Variants in RBFOX1 observed in about 807,000 individuals in gnomAD.
RBFOX1 encodes RNA binding fox-1 homolog 1, also known as RNA binding protein fox-1 homolog 1.
A neutral mutation model predicts 57.7 loss-of-function variants in RBFOX1; 8 were observed. That is an observed-to-expected ratio of 0.14 (90% confidence interval 0.08 to 0.25). The LOEUF is 0.25. Among genes scored for constraint, RBFOX1 ranks in the 10% least tolerant of loss-of-function variants. RBFOX1 has a pLI of 1.00. For synonymous variants in RBFOX1, 326 were observed against 222.4 expected (o/e 1.47, Z -4.15); for missense variants, 611 against 548.5 (o/e 1.11, Z -1.14).
chr16:6,118,382 A>G (rs998429824), intron 1 of RBFOX1, among the ~76,000 whole-genome samples: 4 of 152,176 alleles, frequency 2.6e-5, no homozygotes, highest in Non-Finnish European at 5.9e-5. Context: ...GTTATGGAGG[A>G]TGGAAAGTCC....
intron 4 of RBFOX1, among the ~76,000 whole-genome samples, chr16:7,373,048 CA>C (rs1192595230): frequency 6.6e-6 from 1 of 151,814 alleles, no homozygotes; most frequent in African/African-American, 2.4e-5. Flanking sequence ...TCTCTTGCCT[CA>C]GCCTCCCGAG....
intron 3 of RBFOX1, among the ~76,000 whole-genome samples, chr16:5,715,445 A>C (rs2051660355): frequency 6.6e-6 from 1 of 152,208 alleles, no homozygotes; most frequent in South Asian, 2.1e-4. Context: ...GGTGTATCTC[A>C]AACTCGAAAT....
At position 6,019,676 on chromosome 16, in the gene RBFOX1, G is replaced by A. The variant is rs1044813301; in HGVS notation, c.-443G>A. On this transcript the variant is annotated 5_prime_UTR_variant, in exon 1 of 16. Coordinates refer to ENST00000550418, the MANE Select transcript of RBFOX1 (RefSeq NM_018723.4). This position sits in a 1 kb window ranked among gnomAD's most constrained non-coding sequence, Gnocchi z 4.2. ...GGGCCCCGCCCCGGCGTCCGGAGCA[G>A]GAGAACTCCGAGCTTCTTGCCCAGG... The A allele has an allele frequency of 9.8e-6, 13 of 1,333,202 alleles. No homozygotes were observed. In the African/African-American group the frequency reaches 1.7e-4, roughly 17 times the overall value. The allele number at this position is 1,333,202 out of a possible 1,614,324, so 82.6% of individuals were successfully genotyped here. A position where few individuals can be genotyped will look rare whatever the true frequency, so the allele number is the denominator to read the frequency against.
chr16:7,203,710 T>C (rs2089253491), intron 4 of RBFOX1, among the ~76,000 whole-genome samples: 1 of 152,020 alleles, frequency 6.6e-6, no homozygotes, highest in Admixed American at 6.6e-5. Flanking sequence ...CATGGTCTCT[T>C]CCATTTCTCT....
intron 4 of RBFOX1, among the ~76,000 whole-genome samples, chr16:7,429,401 C>T (rs2098656559): frequency 6.6e-6 from 1 of 152,202 alleles, no homozygotes; most frequent in Non-Finnish European, 1.5e-5. Flanking sequence ...AGAAGCCTTC[C>T]CTGGCTAGCC....
chr16:7,582,533 A>G (rs1011424554), intron 6 of RBFOX1, among the ~76,000 whole-genome samples: 1 of 152,204 alleles, frequency 6.6e-6, no homozygotes, highest in African/African-American at 2.4e-5. Context: ...CGTTCTTGTT[A>G]TAGGATACAT....
intron 3 of RBFOX1, among the ~76,000 whole-genome samples, chr16:6,800,092 C>A (rs1468024678): frequency 6.6e-6 from 1 of 152,096 alleles, no homozygotes; most frequent in African/African-American, 2.4e-5. Flanking sequence ...TGTCATGGTG[C>A]TGGTAGGATT....
intron 3 of RBFOX1, among the ~76,000 whole-genome samples, chr16:5,835,503 T>A (rs2056429266): frequency 6.6e-6 from 1 of 152,196 alleles, no homozygotes; most frequent in Non-Finnish European, 1.5e-5. Flanking sequence ...TCCTGCCTGT[T>A]GGTTGAAAAG....
intron 14 of RBFOX1, among the ~76,000 whole-genome samples, chr16:7,678,584 A>C (rs2073979752): frequency 6.6e-6 from 1 of 152,118 alleles, no homozygotes; most frequent in Non-Finnish European, 1.5e-5. Flanking sequence ...GATTTGATTT[A>C]TCTTGCTTTT....
intron 4 of RBFOX1, among the ~76,000 whole-genome samples, chr16:7,289,733 C>T (rs1032349554): frequency 6.6e-6 from 1 of 152,128 alleles, no homozygotes; most frequent in Non-Finnish European, 1.5e-5. Context: ...TAAGGGGTTG[C>T]ACCAAGAAAT....
At chr16:6,908,592 G>T (rs1300547982) in intron 3 of RBFOX1, among the ~76,000 whole-genome samples, 1 of 152,194 alleles carries the variant, frequency 6.6e-6, no homozygotes, top group Admixed American at 6.5e-5. Context: ...CTGGCACAGT[G>T]CTGAACCCCC....
intron 3 of RBFOX1, among the ~76,000 whole-genome samples, chr16:7,041,044 T>A (rs955848828): frequency 5.3e-5 from 8 of 151,496 alleles, no homozygotes; most frequent in African/African-American, 2.4e-5. Flanking sequence ...GCCCCCTGAG[T>A]AGCTGGGATT....
intron 2 of RBFOX1, among the ~76,000 whole-genome samples, chr16:5,560,433 C>G: frequency 6.6e-6 from 1 of 152,196 alleles, no homozygotes; most frequent in East Asian, 1.9e-4. Flanking sequence ...GGCTTCTCCC[C>G]GCACTCCGGT....
chr16:7,193,114 G>C (rs66523507), intron 4 of RBFOX1, among the ~76,000 whole-genome samples: 1 of 152,232 alleles, frequency 6.6e-6, no homozygotes, highest in Admixed American at 6.5e-5. Context: ...CTTGCTAATC[G>C]GTTGGCCTTG....
intron 14 of RBFOX1, among the ~76,000 whole-genome samples, chr16:7,691,376 A>G (rs1223255361): frequency 6.6e-6 from 1 of 151,950 alleles, no homozygotes; most frequent in Non-Finnish European, 1.5e-5. Flanking sequence ...TTTCAAAAAA[A>G]AAAAGTGGGG....
At chr16:5,254,399 C>T (rs773373814) in intron 1 of RBFOX1, among the ~76,000 whole-genome samples, 2 of 152,174 alleles carry the variant, frequency 1.3e-5, no homozygotes, top group Non-Finnish European at 2.9e-5. Flanking sequence ...GGCCTTCTTA[C>T]TGTATTCCAT....
intron 3 of RBFOX1, among the ~76,000 whole-genome samples, chr16:6,658,904 GGTTTTTT>G (rs200954446): frequency 0.041 from 5,511 of 134,216 alleles, 257 homozygotes; most frequent in East Asian, 0.13. Flanking sequence ...CAGGAGCACA[GGTTTTTT>G]GTTTTTTTGT....
At chr16:5,488,653 G>T (rs924313561) in intron 2 of RBFOX1, among the ~76,000 whole-genome samples, 1 of 133,328 alleles carries the variant, frequency 7.5e-6, no homozygotes, top group Non-Finnish European at 1.5e-5. Flanking sequence ...TGGTGATGAT[G>T]ATTATGGGAG....
At chr16:6,475,968 A>T (rs2095265978) in intron 2 of RBFOX1, among the ~76,000 whole-genome samples, 2 of 152,172 alleles carry the variant, frequency 1.3e-5, no homozygotes, top group African/African-American at 4.8e-5. Context: ...AAGCAATTAG[A>T]TGCTGGAGTT....
Sources: allele counts gnomAD v4.1 joint callset (sites outside exome capture counted in the v4.1 genomes callset), GRCh38; gene constraint gnomAD v4.1.1; non-coding constraint Gnocchi (gnomAD v3.1); transcripts MANE v1.5; gene names NCBI Gene and HGNC (gene_info 2026-07-23, HGNC 2026-07-21).